SPEF2: variants seen among roughly 807,000 people sequenced by gnomAD.
The protein encoded by SPEF2 is sperm flagellar and cilia associated 2.
A neutral mutation model predicts 224.6 loss-of-function variants in SPEF2; 187 were observed. The observed-to-expected ratio is 0.83, with a 90% CI of 0.74 to 0.94. The LOEUF (loss-of-function observed/expected upper bound fraction) is 0.94, where lower values mean the gene tolerates loss of function less well. Ranked by LOEUF, SPEF2 falls within the 40% of genes least tolerant of loss-of-function variation. The pLI, the probability that SPEF2 is intolerant of heterozygous loss-of-function variation, is 0.00. For synonymous variants in SPEF2, 715 were observed against 707.3 expected (o/e 1.01, Z -0.17); for missense variants, 2,170 against 2,135.6 (o/e 1.02, Z -0.32).
intron 20 of SPEF2, among the ~76,000 whole-genome samples, chr5:35,718,385 G>A (rs1743002015): frequency 6.6e-6 from 1 of 152,148 alleles, no homozygotes; most frequent in Non-Finnish European, 1.5e-5. Flanking sequence ...AGGAGTCCCA[G>A]GGGGTCAGGA....
At position 35,641,737 on chromosome 5, in the gene SPEF2, A is replaced by G. The variant is rs143977049; in HGVS notation, c.414+54A>G. ...TGTCACAGTGTAAAATTTGATAAAG[A>G]GAAATGACAATGATATTGAATTCTC... On this transcript the variant is annotated intron_variant, in intron 3 of 36. Transcript: ENST00000356031. 6.5e-4 allele frequency: 1,009 copies of G among 1,550,878 alleles called. 28 individuals are homozygous for G. In the East Asian group the frequency reaches 0.022, roughly 34 times the overall value.
intron 8 of SPEF2, among the ~76,000 whole-genome samples, chr5:35,662,902 T>C (rs73080241): frequency 0.035 from 5,323 of 152,214 alleles, 324 homozygotes; most frequent in African/African-American, 0.12. Flanking sequence ...GTCATTTTTA[T>C]TGTTATTTGA....
chr5:35,654,473 A>T (rs1748680015), intron 6 of SPEF2, 67 bp from the exon 7 acceptor site: 2 of 1,291,296 alleles, frequency 1.5e-6, no homozygotes, highest in Non-Finnish European at 1.0e-6. Flanking sequence ...CTTTCTCCAT[A>T]GTCACAGATA....
chr5:35,678,247 C>G (rs1010460413), intron 10 of SPEF2, among the ~76,000 whole-genome samples: 8 of 152,228 alleles, frequency 5.3e-5, no homozygotes, highest in African/African-American at 1.9e-4. Context: ...ATTATTGAAT[C>G]AGGTCAAATT....
intron 32 of SPEF2, 58 bp downstream of exon 32, chr5:35,793,399 G>C: frequency 6.5e-7 from 1 of 1,534,592 alleles, no homozygotes; most frequent in South Asian, 1.2e-5. Context: ...CCTAAGAAGT[G>C]AATTACTCAA....
At chr5:35,659,778 T>C (rs941087003) in intron 8 of SPEF2, among the ~76,000 whole-genome samples, 1 of 152,092 alleles carries the variant, frequency 6.6e-6, no homozygotes, top group Non-Finnish European at 1.5e-5. Flanking sequence ...CTAAGTTTAC[T>C]AGAGTAGGCA....
intron 8 of SPEF2, among the ~76,000 whole-genome samples, chr5:35,664,739 G>GGA (rs889193868): frequency 7.0e-6 from 1 of 142,294 alleles, no homozygotes; most frequent in Admixed American, 7.1e-5. Flanking sequence ...AGAGGGAGAG[G>GGA]GAGAGAGAGA....
At chr5:35,769,786 A>G (rs1278327567) in intron 26 of SPEF2, among the ~76,000 whole-genome samples, 1 of 152,038 alleles carries the variant, frequency 6.6e-6, no homozygotes, top group East Asian at 1.9e-4. Flanking sequence ...CTCACCCACA[A>G]AACTGTAATA....
intron 21 of SPEF2, among the ~76,000 whole-genome samples, chr5:35,735,697 C>T (rs749862221): frequency 6.6e-6 from 1 of 152,122 alleles, no homozygotes; most frequent in Non-Finnish European, 1.5e-5. Flanking sequence ...CAAGAATATA[C>T]TAAATATAAT....
At chr5:35,675,668 C>A (rs1483441068) in intron 10 of SPEF2, 1 of 253,692 alleles carries the variant, frequency 3.9e-6, no homozygotes, top group African/African-American at 2.2e-5. Context: ...TACAGGCGCC[C>A]GCCACCACAC....
intron 1 of SPEF2, among the ~76,000 whole-genome samples, chr5:35,621,898 C>T (rs1743572310): frequency 6.6e-6 from 1 of 152,172 alleles, no homozygotes; most frequent in Non-Finnish European, 1.5e-5. Context: ...GTCAGAATTC[C>T]TGCCCCTCTG....
intron 21 of SPEF2, among the ~76,000 whole-genome samples, chr5:35,731,108 AT>A (rs1448747289): frequency 6.6e-6 from 1 of 152,236 alleles, no homozygotes. Flanking sequence ...TTGTAGTTAC[AT>A]TGTCTAAGAA....
chr5:35,712,250 A>T (rs996918943), intron 19 of SPEF2, among the ~76,000 whole-genome samples: 3 of 151,592 alleles, frequency 2.0e-5, no homozygotes, highest in African/African-American at 7.3e-5. Flanking sequence ...TTATTTTATT[A>T]TTTTATTTAT....
At chr5:35,652,753 A>G (rs1185311062) in intron 6 of SPEF2, among the ~76,000 whole-genome samples, 2 of 152,176 alleles carry the variant, frequency 1.3e-5, no homozygotes. Context: ...ATACTACAAT[A>G]TGGTCTATAT....
At chr5:35,794,756 T>C (rs1756435839) in intron 32 of SPEF2, among the ~76,000 whole-genome samples, 1 of 152,212 alleles carries the variant, frequency 6.6e-6, no homozygotes. Context: ...TTCACCAAAG[T>C]GCTGAGCTAA....
chr5:35,689,313 C>A (rs4072772), intron 10 of SPEF2, among the ~76,000 whole-genome samples: 16,783 of 152,050 alleles, frequency 0.11, 1,383 homozygotes, highest in East Asian at 0.38. Flanking sequence ...CTTTTTCTTC[C>A]CGCTTCCTGC....
intron 8 of SPEF2, among the ~76,000 whole-genome samples, chr5:35,666,430 G>A (rs568980224): frequency 6.6e-6 from 1 of 152,284 alleles, no homozygotes; most frequent in South Asian, 2.1e-4. Flanking sequence ...GCGATAACAA[G>A]CTAAGTGTTT....
intron 24 of SPEF2, among the ~76,000 whole-genome samples, chr5:35,759,250 A>G (rs954538944): frequency 6.6e-6 from 1 of 152,130 alleles, no homozygotes; most frequent in Non-Finnish European, 1.5e-5. Context: ...AGGAATTGCT[A>G]ATGTTAAAAT....
At chr5:35,807,513 C>T in intron 36 of SPEF2, 1 of 957,592 alleles carries the variant, frequency 1.0e-6, no homozygotes, top group Non-Finnish European at 1.6e-6. Flanking sequence ...TCATTGTAGC[C>T]ATGTAATGAC....
Sources: gnomAD v4.1 joint callset for allele counts (sites outside exome capture counted in the v4.1 genomes callset) on GRCh38, gnomAD v4.1.1 for gene constraint, MANE v1.5 for transcripts, NCBI Gene and HGNC (gene_info 2026-07-23, HGNC 2026-07-21) for gene names.